The following ADARB2 variants were observed in gnomAD, a reference collection of about 807,000 sequenced individuals.
ADARB2 encodes the protein inactive double-stranded RNA-specific editase B2.
In ADARB2, 25 loss-of-function variants were observed where a neutral mutation model predicts 62.2. That is an observed-to-expected ratio of 0.40 (90% confidence interval 0.29 to 0.56). The LOEUF is 0.56. Among genes scored for constraint, ADARB2 ranks in the 20% least tolerant of loss-of-function variants. The probability of loss-of-function intolerance (pLI) is 0.43; values close to 1 mark genes in which losing one functional copy is unlikely to be tolerated. For synonymous variants in ADARB2, 572 were observed against 500.8 expected, an observed-to-expected ratio of 1.14 and a Z score of -1.90; for missense variants, 1,071 against 1,077.4, an observed-to-expected ratio of 0.99 and a Z score of 0.08.
At chr10:1,289,800 C>T (rs1355071102) in intron 3 of ADARB2, among the ~76,000 whole-genome samples, 1 of 152,254 alleles carries the variant, frequency 6.6e-6, no homozygotes, top group Non-Finnish European at 1.5e-5. Flanking sequence ...TGTGCCACAG[C>T]CAGCACGCAG....
At chr10:1,289,401 C>T (rs1406692753) in intron 3 of ADARB2, among the ~76,000 whole-genome samples, 4 of 152,208 alleles carry the variant, frequency 2.6e-5, no homozygotes, top group Non-Finnish European at 5.9e-5. Context: ...TTAACCTCGG[C>T]AAAATAAACT....
intron 1 of ADARB2, among the ~76,000 whole-genome samples, chr10:1,557,674 C>A (rs868623322): frequency 6.6e-6 from 1 of 152,074 alleles, no homozygotes; most frequent in Non-Finnish European, 1.5e-5. Context: ...GAGACCCAGG[C>A]GGGTGGATCA....
At chr10:1,324,323 G>A (rs1455559683) in intron 3 of ADARB2, among the ~76,000 whole-genome samples, 1 of 152,166 alleles carries the variant, frequency 6.6e-6, no homozygotes, top group African/African-American at 2.4e-5. Context: ...AGCCACTCTG[G>A]AGGGATGTTT....
At chr10:1,202,221 G>A (rs1836995782) in intron 7 of ADARB2, among the ~76,000 whole-genome samples, 1 of 151,892 alleles carries the variant, frequency 6.6e-6, no homozygotes, top group African/African-American at 2.4e-5. Context: ...GGGATTACAA[G>A]TGTGAGCCAC....
intron 3 of ADARB2, among the ~76,000 whole-genome samples, chr10:1,297,032 A>G (rs1831529706): frequency 6.6e-6 from 1 of 152,338 alleles, no homozygotes; most frequent in East Asian, 1.9e-4. Context: ...CAAAATACCT[A>G]TCTAAACACA....
At chr10:1,675,949 GAGCC>G in intron 1 of ADARB2, 24 of 953,692 alleles carry the variant, frequency 2.5e-5, no homozygotes, top group Non-Finnish European at 3.0e-5. Flanking sequence ...CTCAGACTTG[GAGCC>G]CAGTTAGATG....
At position 1,434,423 on chromosome 10, in the gene ADARB2, G is replaced by T. The variant is rs993193321; in HGVS notation, c.101-55263C>A. On this transcript the variant is annotated intron_variant, in intron 1 of 9. Transcript: ENST00000381312. ...GTGTGGCAGGCCAGGTCTCACTAAC[G>T]CAGGCCTCCGTAGCAACTGTTTCAG... is the stretch of plus-strand genomic sequence containing the variant. Among the ~76,000 whole-genome samples the T allele has an allele frequency of 1.1e-4, 17 of 152,172 alleles. 1 individual carries two copies. The highest frequency in any genetic ancestry group is 6.4e-3 in the Middle Eastern group (2 of 314).
chr10:1,271,195 C>T (rs1831259049), intron 3 of ADARB2, 126 bp from the exon 4 acceptor site: 2 of 705,676 alleles, frequency 2.8e-6, no homozygotes, highest in Non-Finnish European at 4.8e-6. Flanking sequence ...GCTCTCCTCC[C>T]CTCCTCACAG....
In ADARB2 at chr10:1,262,319, TAA is replaced by T. The variant is rs1491159652; in HGVS notation, c.1192+8634_1192+8635del. Among the ~76,000 whole-genome samples, 4 of 138,584 alleles carry T rather than the reference TAA, an allele frequency of 2.9e-5. No individual in the cohort carries two copies. The East Asian group carries it at 7.9e-4, about 27-fold the overall frequency. The allele number at this position is 138,584 out of a possible 152,430, so 90.9% of individuals were successfully genotyped here. ...ATAATAATAATAATAATAATAATAA[TAA>T]AAGAAACCACCATCAGAGTGAACAG... On this transcript the variant is annotated intron_variant, in intron 4 of 9. Coordinates refer to ENST00000381312, the MANE Select transcript of ADARB2 (RefSeq NM_018702.4).
intron 1 of ADARB2, among the ~76,000 whole-genome samples, chr10:1,396,147 TG>T (rs1832611145): frequency 6.6e-6 from 1 of 152,204 alleles, no homozygotes; most frequent in Non-Finnish European, 1.5e-5. Flanking sequence ...TAGCTGAGCT[TG>T]CAAGTCTAAA....
intron 1 of ADARB2, among the ~76,000 whole-genome samples, chr10:1,661,683 G>T (rs116930169): frequency 1.3e-5 from 2 of 152,180 alleles, no homozygotes; most frequent in East Asian, 1.9e-4. Flanking sequence ...GGCATTCACC[G>T]AGCAGACAGG....
intron 1 of ADARB2, among the ~76,000 whole-genome samples, chr10:1,562,039 C>CA (rs1832792951): frequency 6.6e-6 from 1 of 152,220 alleles, no homozygotes; most frequent in Non-Finnish European, 1.5e-5. Context: ...AGGAGTGGTC[C>CA]TGCCTCAGCC....
intron 3 of ADARB2, among the ~76,000 whole-genome samples, chr10:1,281,302 C>G (rs1376977815): frequency 6.6e-6 from 1 of 152,160 alleles, no homozygotes; most frequent in East Asian, 1.9e-4. Context: ...GGAACTAGCT[C>G]CTCCTCACTG....
At position 1,312,953 on chromosome 10, in the gene ADARB2, C is replaced by T. The variant is rs117845526; in HGVS notation, c.1078-41884G>A. ...GGGGGATGGAGTGGACACAAGAGGG[C>T]GGCAGGAGAGGGGTGGGAAGATGTG... On this transcript the variant is annotated intron_variant, in intron 3 of 9. Transcript: ENST00000381312. Among the ~76,000 whole-genome samples, 25 of 152,192 alleles carry T rather than the reference C, an allele frequency of 1.6e-4. No homozygotes were observed. In the East Asian group the frequency reaches 2.9e-3, roughly 18 times the overall value.
At chr10:1,190,496 T>C (rs1350891908) in intron 8 of ADARB2, among the ~76,000 whole-genome samples, 1 of 152,252 alleles carries the variant, frequency 6.6e-6, no homozygotes, top group African/African-American at 2.4e-5. Flanking sequence ...CTGTAACACA[T>C]TGCTACATGT....
chr10:1,669,330 G>T (rs757002901), intron 1 of ADARB2, among the ~76,000 whole-genome samples: 1 of 152,154 alleles, frequency 6.6e-6, no homozygotes, highest in Admixed American at 6.5e-5. Flanking sequence ...AGCCGATCCC[G>T]AGGACTTGAA....
intron 2 of ADARB2, among the ~76,000 whole-genome samples, chr10:1,365,069 A>G (rs1161623432): frequency 2.0e-5 from 3 of 151,958 alleles, no homozygotes; most frequent in Middle Eastern, 3.4e-3. Flanking sequence ...ATGGGATTTC[A>G]CCGTGTTGGC....
intron 3 of ADARB2, among the ~76,000 whole-genome samples, chr10:1,360,641 T>C (rs1268564884): frequency 2.0e-5 from 3 of 152,174 alleles, no homozygotes; most frequent in African/African-American, 7.2e-5. Context: ...CCCGCCCAGC[T>C]GTGGGTGTGC....
intron 1 of ADARB2, among the ~76,000 whole-genome samples, chr10:1,488,639 C>T (rs61831888): frequency 1.3e-5 from 2 of 152,090 alleles, no homozygotes; most frequent in African/African-American, 2.4e-5. Context: ...ACTGGGGAGA[C>T]GTGAAAGGGA....
Sources: gnomAD v4.1 joint callset for allele counts (sites outside exome capture counted in the v4.1 genomes callset) on GRCh38, gnomAD v4.1.1 for gene constraint, MANE v1.5 for transcripts, NCBI Gene and HGNC (gene_info 2026-07-23, HGNC 2026-07-21) for gene names.